Variants in TRIM62 observed in about 807,000 individuals in gnomAD.
The protein encoded by TRIM62 is tripartite motif containing 62.
In TRIM62, 39 loss-of-function variants were observed where a neutral mutation model predicts 44.2. The ratio of observed to expected loss-of-function variants is 0.88; its 90% CI spans 0.68 to 1.15. The LOEUF (loss-of-function observed/expected upper bound fraction) is 1.15. Among genes scored for constraint, TRIM62 ranks in the 50% most tolerant of loss-of-function variants. The probability of loss-of-function intolerance (pLI) is 0.00; values close to 1 mark genes in which losing one functional copy is unlikely to be tolerated. For missense variants in TRIM62, 544 were observed against 665.5 expected, an observed-to-expected ratio of 0.82 and a Z score of 2.01; for synonymous variants, 278 against 292.3, an observed-to-expected ratio of 0.95 and a Z score of 0.50.
intron 1 of TRIM62, among the ~76,000 whole-genome samples, chr1:33,178,679 T>G (rs1235639526): frequency 6.6e-6 from 1 of 152,236 alleles, no homozygotes; most frequent in Non-Finnish European, 1.5e-5. Flanking sequence ...CATCAGCGTT[T>G]ACATGAAGTG....
At chr1:33,151,562 C>G (rs1645098574) in intron 4 of TRIM62, among the ~76,000 whole-genome samples, 1 of 152,206 alleles carries the variant, frequency 6.6e-6, no homozygotes, top group Non-Finnish European at 1.5e-5. Flanking sequence ...GTTCCTCCAT[C>G]TGTCCCTCAT....
At chr1:33,158,648 G>T (rs950052209) in intron 3 of TRIM62, among the ~76,000 whole-genome samples, 3 of 152,136 alleles carry the variant, frequency 2.0e-5, no homozygotes, top group African/African-American at 7.2e-5. Context: ...CACAGTGCTC[G>T]GTCACGGTCA....
chr1:33,164,223 T>C (rs1483466384), intron 2 of TRIM62: 1 of 152,266 alleles, frequency 6.6e-6, no homozygotes, highest in Non-Finnish European at 1.5e-5. Flanking sequence ...TGTCATGACC[T>C]TCCTGAGACC....
At chr1:33,174,115 C>A (rs1396076456) in intron 1 of TRIM62, among the ~76,000 whole-genome samples, 1 of 148,380 alleles carries the variant, frequency 6.7e-6, no homozygotes, top group Non-Finnish European at 1.5e-5. Flanking sequence ...TTCTTTTCCC[C>A]CCTTTCTTCT....
In TRIM62 at chr1:33,165,235, G is replaced by A. The variant is rs1327374914; in HGVS notation, c.504+236C>T. ...GGGAGAAATGGCCCCGTCCTTAACC[G>A]AGGGACCAGCCCACATCCTTGCCGC... On this transcript the variant is annotated intron_variant, in intron 2 of 4. Transcript: ENST00000291416. This position sits in a 1 kb window ranked among gnomAD's most constrained non-coding sequence, Gnocchi z 4.0. 4.8e-5 allele frequency: 20 copies of A among 420,252 alleles called. No homozygotes were observed. The South Asian group carries it at 7.6e-4, about 16-fold the overall frequency. The allele number at this position is 420,252 out of a possible 1,614,324, so 26.0% of individuals were successfully genotyped here. A position where few individuals can be genotyped will look rare whatever the true frequency, so the allele number is the denominator to read the frequency against.
chr1:33,170,677 C>T (rs1412073477), intron 1 of TRIM62, among the ~76,000 whole-genome samples: 5 of 152,094 alleles, frequency 3.3e-5, no homozygotes, highest in South Asian at 2.1e-4. Context: ...ACCCTAGAGT[C>T]CAGAAGGTAG....
At position 33,147,729 on chromosome 1, in the gene TRIM62, T is replaced by C; in HGVS notation, c.878-2A>G. The C allele has an allele frequency of 6.2e-7, 1 of 1,607,136 alleles. No individual in the cohort carries two copies. The highest frequency in any genetic ancestry group is 8.5e-7 in the Non-Finnish European group (1 of 1,175,252). ...GGTCCAGGGTTAGGGCGGCTGGCAC[T>C]GTGGGGGTTGGAGGAGGGAGAGAAG... is the stretch of plus-strand genomic sequence containing the variant. On this transcript the variant is annotated splice_acceptor_variant, in intron 4 of 4. Transcript: ENST00000291416. LOFTEE classifies it high-confidence loss of function. This position sits in a 1 kb window ranked among gnomAD's most constrained non-coding sequence, Gnocchi z 8.1.
rs1301546338 is a variant in TRIM62, at chr1:33,159,263, C to A, written c.761+425G>T. Among the ~76,000 whole-genome samples the A allele has an allele frequency of 6.6e-6, 1 of 151,910 alleles. No homozygotes were observed. Among genetic ancestry groups the A allele is most frequent in the Non-Finnish European group, 1.5e-5 (1 of 67,988 alleles). ...TAGTAACACGTAATGCCAACATTAT[C>A]ATAAATAAAATAATATGTAATATAT... is the stretch of plus-strand genomic sequence containing the variant. On this transcript the variant is annotated intron_variant, in intron 3 of 4. Coordinates refer to ENST00000291416, the MANE Select transcript of TRIM62 (RefSeq NM_018207.3). The surrounding 1 kb of genome is among the most constrained non-coding windows in gnomAD (Gnocchi z 4.2).
chr1:33,159,796 T>C lies in TRIM62; in HGVS notation c.653A>G (p.Tyr218Cys). ...CTGGACCTTGCGCAGCTGCTGGCTG[T>C]AGCGCTGGACTTTCTGCTCGATGTC... ...LTDIEQKVQR[Y>C]SQQLRKVQEG... The change falls in exon 3 of 5, where the codon TAC becomes TGC. Residue 218 changes from tyrosine (Y) to cysteine (C), a missense_variant. Tyr to Cys is a radical substitution (Grantham distance 194, BLOSUM62 -2). Transcript: ENST00000291416. This position sits in a 1 kb window ranked among gnomAD's most constrained non-coding sequence, Gnocchi z 4.2. The C allele has an allele frequency of 6.2e-7, 1 of 1,613,914 alleles. No individual in the cohort carries two copies. The highest frequency in any genetic ancestry group is 8.5e-7 in the Non-Finnish European group (1 of 1,179,972).
chr1:33,148,026 A>T (rs1645044616), intron 4 of TRIM62, among the ~76,000 whole-genome samples: 1 of 152,164 alleles, frequency 6.6e-6, no homozygotes, highest in Admixed American at 6.5e-5. Flanking sequence ...TTGTTGAATT[A>T]ACCAGAATGA....
In TRIM62 at chr1:33,167,604, T is replaced by A. The variant is rs1363357834; in HGVS notation, c.409-2038A>T. ...AGCCTGGCACTGAGATGGGACTCAA[T>A]GACGCTTGCTGCGTGAATGAAGTTC... On this transcript the variant is annotated intron_variant, in intron 1 of 4. Transcript: ENST00000291416. The surrounding 1 kb of genome is among the most constrained non-coding windows in gnomAD (Gnocchi z 4.2). Among the ~76,000 whole-genome samples the A allele has an allele frequency of 5.9e-5, 9 of 152,206 alleles. No homozygotes were observed. Among genetic ancestry groups the A allele is most frequent in the Non-Finnish European group, 2.9e-5 (2 of 68,034 alleles).
chr1:33,168,482 C>G (rs1645347959), intron 1 of TRIM62, among the ~76,000 whole-genome samples: 1 of 152,154 alleles, frequency 6.6e-6, no homozygotes, highest in Non-Finnish European at 1.5e-5. Context: ...AGTAGTTGGA[C>G]TTGGCATTGG....
chr1:33,152,761 C>A (rs1470716262), intron 4 of TRIM62, among the ~76,000 whole-genome samples: 1 of 152,122 alleles, frequency 6.6e-6, no homozygotes, highest in Admixed American at 6.5e-5. Flanking sequence ...AACTGGGGCT[C>A]TGAGAGGGGA....
chr1:33,180,255 C>T (rs1200363814), intron 1 of TRIM62, among the ~76,000 whole-genome samples: 2 of 152,112 alleles, frequency 1.3e-5, no homozygotes, highest in Admixed American at 1.3e-4. Flanking sequence ...CTAGCCCCTC[C>T]CTTCTTGAAT....
Position 33,147,720 on chromosome 1 carries a change from G to A in TRIM62, c.885C>T (p.Ala295=), listed in dbSNP as rs750994314. Residue 295 remains alanine, a synonymous_variant, in exon 5 of 5, where the codon GCC becomes GCT. Transcript: ENST00000291416. The surrounding 1 kb of genome is among the most constrained non-coding windows in gnomAD (Gnocchi z 8.1). The stretch of plus-strand genomic sequence containing the variant: ...CTGTGCCCGGGTCCAGGGTTAGGGC[G>A]GCTGGCACTGTGGGGGTTGGAGGAG... ...SLFQDIHPVP[A]ALTLDPGTAH... 38 of 1,609,550 alleles carry A rather than the reference G, an allele frequency of 2.4e-5. No homozygotes were observed. The highest frequency in any genetic ancestry group is 4.0e-5 in the African/African-American group (3 of 74,882).
intron 4 of TRIM62, among the ~76,000 whole-genome samples, chr1:33,148,144 T>C (rs973698995): frequency 2.0e-5 from 3 of 152,100 alleles, no homozygotes; most frequent in African/African-American, 7.2e-5. Context: ...CAGGTTGTCT[T>C]AACAACAGCT....
At chr1:33,179,846 A>G (rs1377214063) in intron 1 of TRIM62, among the ~76,000 whole-genome samples, 1 of 152,268 alleles carries the variant, frequency 6.6e-6, no homozygotes, top group African/African-American at 2.4e-5. Flanking sequence ...ACAGTAAAAT[A>G]GATTTATTTG....
At chr1:33,175,471 A>G (rs1645412054) in intron 1 of TRIM62, among the ~76,000 whole-genome samples, 1 of 152,208 alleles carries the variant, frequency 6.6e-6, no homozygotes, top group Non-Finnish European at 1.5e-5. Flanking sequence ...CACTGGACTG[A>G]GTCGGGAGAG....
chr1:33,159,340 T>A lies in TRIM62; in HGVS notation c.761+348A>T, dbSNP rs1645228768. Among the ~76,000 whole-genome samples, 1 of 152,126 alleles carries A rather than the reference T, an allele frequency of 6.6e-6. No individual in the cohort carries two copies. The highest frequency in any genetic ancestry group is 2.4e-5 in the African/African-American group (1 of 41,428). On this transcript the variant is annotated intron_variant, in intron 3 of 4. Coordinates refer to ENST00000291416, the MANE Select transcript of TRIM62 (RefSeq NM_018207.3). The surrounding 1 kb of genome is among the most constrained non-coding windows in gnomAD (Gnocchi z 4.2). Reference sequence around the variant, plus strand: ...AATGCTACCTACTATCTATAATGTATACAGAATATATTACATATATAATAA... The same window carrying A: ...AATGCTACCTACTATCTATAATGTAAACAGAATATATTACATATATAATAA...
Sources: gnomAD v4.1 joint callset for allele counts (sites outside exome capture counted in the v4.1 genomes callset) on GRCh38, gnomAD v4.1.1 for gene constraint, Gnocchi (gnomAD v3.1) non-coding constraint, MANE v1.5 for transcripts, NCBI Gene and HGNC (gene_info 2026-07-23, HGNC 2026-07-21) for gene names.